The following SVIL variants were observed in gnomAD, a reference collection of about 807,000 sequenced individuals.
The protein encoded by SVIL is archvillin.
Under a neutral mutation model 240.4 loss-of-function variants are expected in SVIL, and 101 were observed. The observed-to-expected ratio is 0.42, with a 90% CI of 0.36 to 0.50. The LOEUF (loss-of-function observed/expected upper bound fraction) is 0.50, where lower values mean the gene tolerates loss of function less well. Among genes scored for constraint, SVIL ranks in the 20% least tolerant of loss-of-function variants. SVIL has a pLI of 0.01. For synonymous variants in SVIL, 999 were observed against 1,100.0 expected (o/e 0.91, Z 1.82); for missense variants, 2,512 against 2,818.7 (o/e 0.89, Z 2.46).
intron 2 of SVIL, among the ~76,000 whole-genome samples, chr10:29,683,273 G>C (rs1222348558): frequency 6.6e-6 from 1 of 152,224 alleles, no homozygotes; most frequent in African/African-American, 2.4e-5. Context: ...AATAAGAAGG[G>C]ATGTCTGGTT....
Position 29,550,690 on chromosome 10 carries a change from G to A in SVIL, c.734C>T (p.Ser245Phe), listed in dbSNP as rs376173641. 894 of 1,614,016 alleles carry A rather than the reference G, an allele frequency of 5.5e-4. No homozygotes were observed. The highest frequency in any genetic ancestry group is 7.4e-4 in the Non-Finnish European group (871 of 1,180,014). The change falls in exon 6 of 38, where the codon TCC (serine) becomes TTC (phenylalanine). Residue 245 changes from serine (S) to phenylalanine (F), a missense_variant. Around this residue, in one of 3 missense-constraint regions of SVIL, gnomAD observed 1,443 missense variants for 1,486.6 expected, o/e 0.97. Coordinates refer to ENST00000355867, the MANE Select transcript of SVIL (RefSeq NM_021738.3). Reference sequence around the variant, plus strand: ...GGAGGAGCTGTGGGCGTGCTTGGGGGACCGTGGCACTTCAGTGAAGGAGGA... The same window carrying A: ...GGAGGAGCTGTGGGCGTGCTTGGGGAACCGTGGCACTTCAGTGAAGGAGGA... ...RDSSFTEVPRSPKHAHSSSLQ... is the reference protein window; with the variant it reads ...RDSSFTEVPRFPKHAHSSSLQ...
intron 22 of SVIL, among the ~76,000 whole-genome samples, chr10:29,489,018 C>T (rs984676131): frequency 2.6e-5 from 4 of 152,228 alleles, no homozygotes; most frequent in African/African-American, 4.8e-5. Context: ...TGAGTGATGA[C>T]GTGGACCAGC....
At chr10:29,503,869 G>T (rs1564530126) in intron 17 of SVIL, among the ~76,000 whole-genome samples, 1 of 152,080 alleles carries the variant, frequency 6.6e-6, no homozygotes, top group Non-Finnish European at 1.5e-5. Context: ...ACATGGAGAG[G>T]CAAAAGACCC....
chr10:29,509,909 T>C (rs1949704223), intron 17 of SVIL, among the ~76,000 whole-genome samples: 1 of 152,196 alleles, frequency 6.6e-6, no homozygotes, highest in Admixed American at 6.5e-5. Flanking sequence ...AAAATTGTTT[T>C]TGTTTTTGTT....
At chr10:29,559,686 G>T (rs1383442073) in intron 3 of SVIL, among the ~76,000 whole-genome samples, 1 of 152,102 alleles carries the variant, frequency 6.6e-6, no homozygotes, top group Non-Finnish European at 1.5e-5. Flanking sequence ...TATTTTACCT[G>T]CTATGTTGGT....
intron 2 of SVIL, among the ~76,000 whole-genome samples, chr10:29,678,154 T>A (rs1446468236): frequency 6.6e-6 from 1 of 152,098 alleles, no homozygotes; most frequent in East Asian, 1.9e-4. Flanking sequence ...GGTTTCAGGA[T>A]GATTCAAGTG....
chr10:29,641,879 G>A (rs1244202235), intron 3 of SVIL, among the ~76,000 whole-genome samples: 1 of 152,178 alleles, frequency 6.6e-6, no homozygotes, highest in African/African-American at 2.4e-5. Context: ...GATTACTTGT[G>A]TTGGTGGAAA....
intron 6 of SVIL, among the ~76,000 whole-genome samples, chr10:29,540,666 G>C (rs986674563): frequency 6.6e-6 from 1 of 152,070 alleles, no homozygotes; most frequent in Non-Finnish European, 1.5e-5. Context: ...ATGAGGTTGG[G>C]ATGCCAGTGT....
intron 11 of SVIL, 150 bp from the exon 12 acceptor site, chr10:29,529,994 G>A: frequency 1.3e-6 from 1 of 749,402 alleles, no homozygotes; most frequent in South Asian, 2.0e-5. Context: ...AACAAAGTGA[G>A]ACCCCCTCAT....
Position 29,655,362 on chromosome 10 carries a change from C to T in SVIL, c.-201+2607G>A, listed in dbSNP as rs188273044. Among the ~76,000 whole-genome samples, 3 of 151,944 alleles carry T rather than the reference C, an allele frequency of 2.0e-5. No individual in the cohort carries two copies. In the East Asian group the frequency reaches 5.9e-4, roughly 30 times the overall value. On this transcript the variant is annotated intron_variant, in intron 3 of 35. Transcript: ENST00000375400. Reference sequence around the variant, plus strand: ...GGTGCAAGTCCCAGAGTCTAAAGGCCGAAGAACCTGGAATTTGATGTCCAA... The same window carrying T: ...GGTGCAAGTCCCAGAGTCTAAAGGCTGAAGAACCTGGAATTTGATGTCCAA...
intron 1 of SVIL, among the ~76,000 whole-genome samples, chr10:29,699,717 G>A (rs781762205): frequency 2.6e-5 from 4 of 152,180 alleles, no homozygotes; most frequent in South Asian, 2.1e-4. Flanking sequence ...TGTTACTGAC[G>A]AGTTAGGAGG....
chr10:29,497,544 A>C (rs758569447), intron 18 of SVIL, among the ~76,000 whole-genome samples: 1 of 152,230 alleles, frequency 6.6e-6, no homozygotes, highest in South Asian at 2.1e-4. Flanking sequence ...TAGGCATCAA[A>C]TCAGTTCCAA....
intron 36 of SVIL, among the ~76,000 whole-genome samples, chr10:29,459,864 G>C (rs1223216573): frequency 6.6e-6 from 1 of 152,136 alleles, no homozygotes; most frequent in African/African-American, 2.4e-5. Context: ...GCTGAGGTGG[G>C]AAGAGTCCTT....
At chr10:29,512,940 A>G (rs1037152549) in intron 16 of SVIL, 79 bp from the exon 17 acceptor site, 19 of 1,542,704 alleles carry the variant, frequency 1.2e-5, no homozygotes, top group East Asian at 2.3e-5. Context: ...TAGGTAAGAG[A>G]GGCGGCTTGG....
chr10:29,669,343 G>A (rs1564749115), intron 2 of SVIL, among the ~76,000 whole-genome samples: 1 of 152,186 alleles, frequency 6.6e-6, no homozygotes, highest in Non-Finnish European at 1.5e-5. Context: ...AGTTTGGCTG[G>A]CGTGCAGTGA....
intron 2 of SVIL, among the ~76,000 whole-genome samples, chr10:29,666,720 C>T (rs9888055): frequency 0.24 from 36,613 of 152,064 alleles, 5,316 homozygotes; most frequent in African/African-American, 0.4. Flanking sequence ...AGAAGGACTT[C>T]TAAATAAAAG....
chr10:29,516,042 G>A lies in SVIL; in HGVS notation c.3390-3181C>T, dbSNP rs370117174. Among the ~76,000 whole-genome samples, 69 of 152,300 alleles carry A rather than the reference G, an allele frequency of 4.5e-4. 1 individual carries two copies. The East Asian group carries it at 5.4e-3, about 12-fold the overall frequency. On this transcript the variant is annotated intron_variant, in intron 16 of 37. Coordinates refer to ENST00000355867, the MANE Select transcript of SVIL (RefSeq NM_021738.3). ...ACTGGATGTTAGTGGGCAGAGAGACGTGACTGCAGCCCTCGCCTGCCTGTG... is the reference window on the plus strand; with the variant it reads ...ACTGGATGTTAGTGGGCAGAGAGACATGACTGCAGCCCTCGCCTGCCTGTG...
intron 34 of SVIL, among the ~76,000 whole-genome samples, chr10:29,464,279 GA>G (rs896284555): frequency 2.7e-5 from 4 of 148,326 alleles, no homozygotes; most frequent in Admixed American, 6.7e-5. Flanking sequence ...TCTACAAAAA[GA>G]AAAAAAAAAT....
intron 17 of SVIL, among the ~76,000 whole-genome samples, chr10:29,502,252 C>T (rs565511397): frequency 2.6e-5 from 4 of 152,244 alleles, no homozygotes; most frequent in South Asian, 2.1e-4. Context: ...TTCAACTTTA[C>T]GTGGCTCTAG....
Sources: gnomAD v4.1 joint callset for allele counts (sites outside exome capture counted in the v4.1 genomes callset) on GRCh38, gnomAD v4.1.1 for gene constraint, gnomAD v4.1.1 regional missense constraint, MANE v1.5 for transcripts, NCBI Gene and HGNC (gene_info 2026-07-23, HGNC 2026-07-21) for gene names.